The following MMS22L variants were observed in gnomAD, a reference collection of about 807,000 sequenced individuals.
MMS22L encodes the protein MMS22 like, DNA repair protein, also known as protein MMS22-like.
MMS22L carries 74 observed loss-of-function variants against 159.1 expected under a neutral mutation model. That is an observed-to-expected ratio of 0.47 (90% CI 0.39 to 0.56). The LOEUF is 0.56. Ranked by LOEUF, MMS22L falls within the 20% of genes least tolerant of loss-of-function variation. MMS22L has a pLI of 0.00. For synonymous variants in MMS22L, 517 were observed against 506.9 expected, an observed-to-expected ratio of 1.02 and a Z score of -0.27; for missense variants, 1,351 against 1,422.1, an observed-to-expected ratio of 0.95 and a Z score of 0.80.
chr6:97,182,028 G>C lies in MMS22L; in HGVS notation c.2260C>G (p.Pro754Ala), dbSNP rs1804768687. The change falls in exon 16 of 25, where the codon CCA becomes GCA. Residue 754 changes from proline (P) to alanine (A), a missense_variant. Transcript: ENST00000683635. The part of the protein sequence containing the change: ...ADFTLLAMDM[P>A]STAPSDFQPQ... ...TGAAAATCTGATGGAGCTGTGCTTG[G>C]CATGTCCATTGCTAGCAAAGTAAAG... 3 of 1,612,282 alleles carry C rather than the reference G, an allele frequency of 1.9e-6. No homozygotes were observed. Among genetic ancestry groups the C allele is most frequent in the East Asian group, 2.2e-5 (1 of 44,834 alleles).
At chr6:97,231,128 G>T in intron 13 of MMS22L, 1 of 248,538 alleles carries the variant, frequency 4.0e-6, no homozygotes, top group Non-Finnish European at 7.8e-6. Flanking sequence ...TTAGTTATCT[G>T]GTTCTACTAT....
At chr6:97,179,385 C>T in intron 17 of MMS22L, 23 bp downstream of exon 17, 3 of 1,603,646 alleles carry the variant, frequency 1.9e-6, no homozygotes, top group Non-Finnish European at 2.6e-6. Context: ...CCCATCCTCC[C>T]CAAAAAACGT....
intron 8 of MMS22L, chr6:97,267,529 C>A: frequency 6.4e-6 from 1 of 155,398 alleles, no homozygotes; most frequent in Admixed American, 6.6e-5. Flanking sequence ...TAATACAATA[C>A]ATTATTAAAG....
intron 11 of MMS22L, among the ~76,000 whole-genome samples, chr6:97,238,012 G>A (rs1811590275): frequency 6.6e-6 from 1 of 152,126 alleles, no homozygotes; most frequent in African/African-American, 2.4e-5. Flanking sequence ...TGCAAAGTTT[G>A]GGAAAAGCAA....
intron 14 of MMS22L, among the ~76,000 whole-genome samples, chr6:97,196,138 A>G (rs897776451): frequency 3.9e-5 from 6 of 152,196 alleles, no homozygotes; most frequent in African/African-American, 1.4e-4. Flanking sequence ...GAACACGTCA[A>G]TGTCTGTTAA....
At chr6:97,180,779 T>C (rs1804626858) in intron 16 of MMS22L, among the ~76,000 whole-genome samples, 1 of 152,202 alleles carries the variant, frequency 6.6e-6, no homozygotes, top group South Asian at 2.1e-4. Context: ...CTGGAAGGGA[T>C]TGTAAAAGTA....
chr6:97,161,363 G>GT (rs1444158230), intron 22 of MMS22L, among the ~76,000 whole-genome samples: 1 of 152,008 alleles, frequency 6.6e-6, no homozygotes, highest in Non-Finnish European at 1.5e-5. Context: ...AATGTTTTTA[G>GT]TAATACACTG....
chr6:97,214,788 C>T (rs1233571386), intron 14 of MMS22L, among the ~76,000 whole-genome samples: 6 of 148,172 alleles, frequency 4.0e-5, no homozygotes, highest in African/African-American at 1.5e-4. Flanking sequence ...GCCACATAAT[C>T]GGGGCATTTT....
At chr6:97,280,375 C>G (rs984909169) in intron 3 of MMS22L, among the ~76,000 whole-genome samples, 2 of 151,894 alleles carry the variant, frequency 1.3e-5, no homozygotes, top group African/African-American at 4.8e-5. Context: ...GCTCTGTCAC[C>G]CAGGCTGGAG....
chr6:97,224,265 C>CT (rs1440908590), intron 14 of MMS22L, among the ~76,000 whole-genome samples: 9 of 152,074 alleles, frequency 5.9e-5, no homozygotes, highest in Non-Finnish European at 8.8e-5. Context: ...CTTCATCATC[C>CT]TTTTTTGATT....
chr6:97,187,454 G>T (rs1805369332), intron 14 of MMS22L, among the ~76,000 whole-genome samples: 1 of 152,136 alleles, frequency 6.6e-6, no homozygotes, highest in Non-Finnish European at 1.5e-5. Context: ...TTTATGTTGT[G>T]CACCCACTGA....
At chr6:97,167,964 T>G in intron 20 of MMS22L, 107 bp downstream of exon 20, 38 of 948,906 alleles carry the variant, frequency 4.0e-5, no homozygotes, top group Non-Finnish European at 5.1e-5. Context: ...CACAAGCATT[T>G]GAGATTATAA....
In MMS22L at chr6:97,145,229, A is replaced by G. The variant is rs1332827213; in HGVS notation, c.*1577T>C. 1 of 152,180 alleles carries G rather than the reference A, an allele frequency of 6.6e-6. No homozygotes were observed. Among genetic ancestry groups the G allele is most frequent in the Non-Finnish European group, 1.5e-5 (1 of 68,014 alleles). The allele number at this position is 152,180 out of a possible 1,614,324, so 9.4% of individuals were successfully genotyped here. A position where few individuals can be genotyped will look rare whatever the true frequency, so the allele number is the denominator to read the frequency against. ...TTATGAAGTCTATTAAACAGCCTTA[A>G]GCTTTCATTTATTCCCTTTGATGAA... On this transcript the variant is annotated 3_prime_UTR_variant, in exon 25 of 25. Coordinates refer to ENST00000683635, the MANE Select transcript of MMS22L (RefSeq NM_001350599.2).
chr6:97,227,910 G>C (rs1308068932), intron 14 of MMS22L, among the ~76,000 whole-genome samples: 2 of 152,206 alleles, frequency 1.3e-5, no homozygotes, highest in Non-Finnish European at 2.9e-5. Context: ...GTTTGTGTCT[G>C]AGTGTATTTA....
At chr6:97,257,880 T>A (rs1813999013) in intron 9 of MMS22L, among the ~76,000 whole-genome samples, 1 of 152,232 alleles carries the variant, frequency 6.6e-6, no homozygotes, top group African/African-American at 2.4e-5. Context: ...AAATATTATG[T>A]AAAGATCTTA....
At chr6:97,245,083 G>A (rs1812488730) in intron 11 of MMS22L, among the ~76,000 whole-genome samples, 1 of 151,812 alleles carries the variant, frequency 6.6e-6, no homozygotes, top group Non-Finnish European at 1.5e-5. Flanking sequence ...TTTATATCCA[G>A]GCCTCTGGTG....
chr6:97,157,670 G>C (rs986790031), intron 22 of MMS22L, among the ~76,000 whole-genome samples: 24 of 152,238 alleles, frequency 1.6e-4, no homozygotes, highest in Middle Eastern at 3.4e-3. Flanking sequence ...GGATGAAGCC[G>C]ACTTGATCGT....
Position 97,178,737 on chromosome 6 carries a change from A to G in MMS22L, c.2537-152T>C, listed in dbSNP as rs113167959. On this transcript the variant is annotated intron_variant, in intron 17 of 24. Coordinates refer to ENST00000683635, the MANE Select transcript of MMS22L (RefSeq NM_001350599.2). Reference sequence around the variant, plus strand: ...TCTTTTAAAATTCAAATTTCCACACAAGGACTTCAAATTAAATTTCTCTCA... The same window carrying G: ...TCTTTTAAAATTCAAATTTCCACACGAGGACTTCAAATTAAATTTCTCTCA... 43 of 408,752 alleles carry G rather than the reference A, an allele frequency of 1.1e-4. 2 individuals carry two copies. Among genetic ancestry groups the G allele is most frequent in the African/African-American group, 7.6e-4 (37 of 48,610 alleles). 25.3% of individuals were successfully genotyped at this position (408,752 alleles called of 1,614,324 possible). A position where few individuals can be genotyped will look rare whatever the true frequency, so the allele number is the denominator to read the frequency against.
intron 4 of MMS22L, among the ~76,000 whole-genome samples, chr6:97,273,308 T>C (rs1815940940): frequency 6.6e-6 from 1 of 152,130 alleles, no homozygotes; most frequent in South Asian, 2.1e-4. Context: ...ACAGTAGCAC[T>C]AGCTACACCT....
Sources: allele counts gnomAD v4.1 joint callset (sites outside exome capture counted in the v4.1 genomes callset), GRCh38; gene constraint gnomAD v4.1.1; transcripts MANE v1.5; gene names NCBI Gene and HGNC (gene_info 2026-07-23, HGNC 2026-07-21).